The following MSRA variants were observed in gnomAD, a reference collection of about 807,000 sequenced individuals.
The protein encoded by MSRA is mitochondrial peptide methionine sulfoxide reductase.
MSRA carries 54 observed loss-of-function variants against 31.3 expected under a neutral mutation model. The observed-to-expected ratio is 1.73, with a 90% CI of 1.39 to 2.17. The LOEUF is 2.17. Ranked by LOEUF, MSRA falls within the 30% of genes most tolerant of loss-of-function variation. The pLI, the probability that MSRA is intolerant of heterozygous loss-of-function variation, is 0.00. For synonymous variants in MSRA, 169 were observed against 116.5 expected (o/e 1.45, Z -2.90); for missense variants, 507 against 300.9 (o/e 1.69, Z -5.07).
intron 1 of MSRA, among the ~76,000 whole-genome samples, chr8:10,055,389 T>G (rs1268822997): frequency 6.6e-6 from 1 of 152,218 alleles, no homozygotes. Flanking sequence ...CTATAAAAGT[T>G]TTCAAAATCT....
At chr8:10,327,510 CT>C (rs1459335831) in intron 5 of MSRA, among the ~76,000 whole-genome samples, 2 of 152,162 alleles carry the variant, frequency 1.3e-5, no homozygotes, top group Non-Finnish European at 2.9e-5. Context: ...AATTTTCTTC[CT>C]GCTTAGATTG....
intron 3 of MSRA, among the ~76,000 whole-genome samples, chr8:10,255,316 C>T (rs1339776612): frequency 1.3e-5 from 2 of 152,230 alleles, no homozygotes; most frequent in African/African-American, 2.4e-5. Context: ...CCTTTTAATT[C>T]TCTGCCTCCT....
intron 4 of MSRA, among the ~76,000 whole-genome samples, chr8:10,305,319 G>A (rs980012114): frequency 4.0e-5 from 6 of 151,832 alleles, no homozygotes; most frequent in African/African-American, 9.7e-5. Flanking sequence ...AGAACATTCA[G>A]CATGTTCTTT....
intron 3 of MSRA, among the ~76,000 whole-genome samples, chr8:10,266,588 G>A (rs1306960012): frequency 2.0e-5 from 3 of 151,234 alleles, no homozygotes; most frequent in Non-Finnish European, 2.9e-5. Flanking sequence ...TCTAAATTTT[G>A]ATGAGATCCA....
chr8:10,195,408 T>G (rs1468687799), intron 1 of MSRA, among the ~76,000 whole-genome samples: 1 of 152,158 alleles, frequency 6.6e-6, no homozygotes, highest in Non-Finnish European at 1.5e-5. Context: ...GCCAGGCTAA[T>G]TTTTTGTATT....
intron 4 of MSRA, among the ~76,000 whole-genome samples, chr8:10,303,629 G>C (rs900233100): frequency 6.6e-6 from 1 of 152,156 alleles, no homozygotes; most frequent in African/African-American, 2.4e-5. Context: ...ACTGCCCCAG[G>C]ACCCCTCCAA....
intron 2 of MSRA, among the ~76,000 whole-genome samples, chr8:10,217,998 C>A (rs958316171): frequency 3.3e-5 from 5 of 151,870 alleles, no homozygotes; most frequent in African/African-American, 1.2e-4. Flanking sequence ...CTTGACCGAA[C>A]GATCATGTTC....
chr8:10,089,048 A>G (rs992260544), intron 1 of MSRA, among the ~76,000 whole-genome samples: 1 of 152,206 alleles, frequency 6.6e-6, no homozygotes, highest in Middle Eastern at 3.2e-3. Context: ...TATATTGGAC[A>G]AATGAGAGAT....
intron 5 of MSRA, among the ~76,000 whole-genome samples, chr8:10,406,698 G>A (rs868346617): frequency 6.6e-6 from 1 of 152,162 alleles, no homozygotes; most frequent in African/African-American, 2.4e-5. Flanking sequence ...TCACAGATAA[G>A]CCATATCTCC....
intron 1 of MSRA, among the ~76,000 whole-genome samples, chr8:10,166,535 G>T (rs1191063923): frequency 6.6e-6 from 1 of 152,176 alleles, no homozygotes; most frequent in African/African-American, 2.4e-5. Flanking sequence ...ATATGTGTGT[G>T]TGCATGTGCA....
chr8:10,143,168 C>T (rs1802850457), intron 1 of MSRA, among the ~76,000 whole-genome samples: 2 of 151,828 alleles, frequency 1.3e-5, no homozygotes, highest in African/African-American at 2.4e-5. Context: ...CCTCTTCTTT[C>T]ACGGGGAAAG....
chr8:10,409,597 A>C (rs1227080205), intron 5 of MSRA, among the ~76,000 whole-genome samples: 1 of 152,252 alleles, frequency 6.6e-6, no homozygotes, highest in Non-Finnish European at 1.5e-5. Flanking sequence ...CGTGATGAGG[A>C]TAACATCAGA....
chr8:10,332,762 C>G (rs78999715), intron 5 of MSRA, among the ~76,000 whole-genome samples: 147 of 152,250 alleles, frequency 9.7e-4, no homozygotes, highest in African/African-American at 3.4e-3. Flanking sequence ...ATTTAGAAAT[C>G]TCTGTATTAC....
chr8:10,114,372 C>T (rs531120745), intron 1 of MSRA, among the ~76,000 whole-genome samples: 44 of 152,130 alleles, frequency 2.9e-4, no homozygotes, highest in Non-Finnish European at 5.6e-4. Flanking sequence ...ATTTTTGGGC[C>T]ATTTGGCAAC....
At chr8:10,059,208 A>G (rs1292687016) in intron 1 of MSRA, 1 of 152,264 alleles carries the variant, frequency 6.6e-6, no homozygotes, top group Non-Finnish European at 1.5e-5. Context: ...GTAAGCCAGG[A>G]TAAATTTCAG....
At chr8:10,075,187 T>C (rs1473854952) in intron 1 of MSRA, among the ~76,000 whole-genome samples, 1 of 152,232 alleles carries the variant, frequency 6.6e-6, no homozygotes, top group African/African-American at 2.4e-5. Flanking sequence ...TGAGAGCTTA[T>C]TTACTTATGT....
chr8:10,416,955 CTG>C (rs1316294279), intron 5 of MSRA, among the ~76,000 whole-genome samples: 1 of 152,188 alleles, frequency 6.6e-6, no homozygotes, highest in African/African-American at 2.4e-5. Context: ...TCTGAAGACA[CTG>C]TGATTTACCT....
chr8:10,405,579 C>T (rs1209812544), intron 5 of MSRA, among the ~76,000 whole-genome samples: 1 of 152,208 alleles, frequency 6.6e-6, no homozygotes, highest in Non-Finnish European at 1.5e-5. Context: ...CTACTAAGGA[C>T]CCCATATCCA....
chr8:10,355,749 G>T (rs1005855973), intron 5 of MSRA, among the ~76,000 whole-genome samples: 1 of 152,152 alleles, frequency 6.6e-6, no homozygotes, highest in Admixed American at 6.5e-5. Flanking sequence ...GTGAGGGTCT[G>T]CAGATGCAGG....
Sources: gnomAD v4.1 joint callset for allele counts (sites outside exome capture counted in the v4.1 genomes callset) on GRCh38, gnomAD v4.1.1 for gene constraint, MANE v1.5 for transcripts, NCBI Gene and HGNC (gene_info 2026-07-23, HGNC 2026-07-21) for gene names.